APEH: variants seen among roughly 807,000 people sequenced by gnomAD.
APEH encodes the protein acylaminoacyl-peptide hydrolase.
APEH carries 75 observed loss-of-function variants against 102.7 expected under a neutral mutation model. The observed-to-expected ratio is 0.73, with a 90% CI of 0.61 to 0.89. The LOEUF (loss-of-function observed/expected upper bound fraction) is 0.89. Ranked by LOEUF, APEH falls within the 40% of genes least tolerant of loss-of-function variation. The pLI, the probability that APEH is intolerant of heterozygous loss-of-function variation, is 0.00. For missense variants in APEH, 863 were observed against 941.2 expected (o/e 0.92, Z 1.09); for synonymous variants, 344 against 362.7 (o/e 0.95, Z 0.59).
At chr3:49,682,082 A>G (rs2053350944) in intron 17 of APEH, 115 bp downstream of exon 17, 1 of 1,212,930 alleles carries the variant, frequency 8.2e-7, no homozygotes, top group Admixed American at 1.8e-5. Context: ...TCTCTAGCCT[A>G]GACCTAGTAA....
upstream of APEH, chr3:49,674,293 C>T: frequency 1.4e-5 from 20 of 1,387,814 alleles, no homozygotes; most frequent in Non-Finnish European, 1.9e-5. Context: ...TCACAGATTG[C>T]CGCAGGGCAG....
In APEH at chr3:49,676,764, C is replaced by G; in HGVS notation, c.837-13C>G. Reference sequence around the variant, plus strand: ...GCTGGCCTTGAGACTGAGTGTCTGTCTCGTGGTTCCAGGTCAGCCCTGTAT... The same window carrying G: ...GCTGGCCTTGAGACTGAGTGTCTGTGTCGTGGTTCCAGGTCAGCCCTGTAT... On this transcript the variant is annotated splice_polypyrimidine_tract_variant and intron_variant, in intron 8 of 21. Coordinates refer to ENST00000296456, the MANE Select transcript of APEH (RefSeq NM_001640.4). The G allele has an allele frequency of 6.2e-7, 1 of 1,614,258 alleles. No homozygotes were observed. The highest frequency in any genetic ancestry group is 2.2e-5 in the East Asian group (1 of 44,880).
chr3:49,675,834 G>T (rs748390335), intron 4 of APEH, 47 bp downstream of exon 4: 1 of 1,612,430 alleles, frequency 6.2e-7, no homozygotes, highest in Non-Finnish European at 8.5e-7. Context: ...GAGAGGCTCT[G>T]CCCCACAGAT....
At position 49,679,126 on chromosome 3, in the gene APEH, G is replaced by A. The variant is rs1170239208; in HGVS notation, c.1158+177G>A. Among the ~76,000 whole-genome samples, 1 of 152,168 alleles carries A rather than the reference G, an allele frequency of 6.6e-6. No homozygotes were observed. The highest frequency in any genetic ancestry group is 2.4e-5 in the African/African-American group (1 of 41,434). On this transcript the variant is annotated intron_variant, in intron 12 of 21. Transcript: ENST00000296456. This position sits in a 1 kb window ranked among gnomAD's most constrained non-coding sequence, Gnocchi z 4.3. ...CCTGGAGGGGACTGGCTGCCCTGGTGCACCACAGCAGAACTCAGGCCTTTT... is the reference window on the plus strand; with the variant it reads ...CCTGGAGGGGACTGGCTGCCCTGGTACACCACAGCAGAACTCAGGCCTTTT...
chr3:49,682,384 G>A lies in APEH; in HGVS notation c.1640G>A (p.Ser547Asn). 1 of 1,614,030 alleles carries A rather than the reference G, an allele frequency of 6.2e-7. No homozygotes were observed. The highest frequency in any genetic ancestry group is 8.5e-7 in the Non-Finnish European group (1 of 1,179,942). Residue 547 changes from serine (S) to asparagine (N), a missense_variant, in exon 18 of 22, where the codon AGC (serine) becomes AAC (asparagine). Ser to Asn is a conservative substitution (Grantham distance 46). Coordinates refer to ENST00000296456, the MANE Select transcript of APEH (RefSeq NM_001640.4). Reference sequence around the variant, plus strand: ...GGCTCCACGGGCTTTGGCCAGGACAGCATCCTCTCCCTCCCAGGCAATGTG... The same window carrying A: ...GGCTCCACGGGCTTTGGCCAGGACAACATCCTCTCCCTCCCAGGCAATGTG... ...YRGSTGFGQD[S>N]ILSLPGNVGH...
chr3:49,674,267 C>A, upstream of APEH: 1 of 1,204,024 alleles, frequency 8.3e-7, no homozygotes, highest in Non-Finnish European at 1.1e-6. Context: ...CACCCATTAG[C>A]CGAAGGCCCC....
chr3:49,681,577 C>T (rs1575478843), intron 15 of APEH, 145 bp from the exon 16 acceptor site: 1 of 734,984 alleles, frequency 1.4e-6, no homozygotes, highest in East Asian at 2.8e-5. Flanking sequence ...GAAGTATGAG[C>T]CTTCTGGGGT....
At position 49,682,449 on chromosome 3, in the gene APEH, G is replaced by C; in HGVS notation, c.1692+13G>C. 6.2e-7 allele frequency: 1 copy of C among 1,613,214 alleles called. No homozygotes were observed. The highest frequency in any genetic ancestry group is 1.1e-5 in the South Asian group (1 of 91,066). ...GAAGGATGTCCAGGTAGCAGGGGCT[G>C]GGGCTTCTGGACAGGCTGAAACATG... On this transcript the variant is annotated intron_variant, in intron 18 of 21. Coordinates refer to ENST00000296456, the MANE Select transcript of APEH (RefSeq NM_001640.4).
At chr3:49,674,849 G>C (rs1003359683) in intron 2 of APEH, among the ~76,000 whole-genome samples, 24 of 152,192 alleles carry the variant, frequency 1.6e-4, no homozygotes, top group African/African-American at 5.8e-4. Flanking sequence ...TGACGGCGTA[G>C]GGGTAGAAGT....
At position 49,681,945 on chromosome 3, in the gene APEH, G is replaced by A; in HGVS notation, c.1581G>A (p.Lys527=). The A allele has an allele frequency of 6.2e-7, 1 of 1,614,192 alleles. No homozygotes were observed. Among genetic ancestry groups the A allele is most frequent in the South Asian group, 1.1e-5 (1 of 91,086 alleles). The change falls in exon 17 of 22, where the codon AAG becomes AAA. Residue 527 remains lysine (K), a synonymous_variant. Transcript: ENST00000296456. The stretch of plus-strand genomic sequence containing the variant: ...TGCTGTTCCCAGCCATGCTTTGCAA[G>A]ATGGGCTTTGCGGTACTACTAGGTG... ...AWMLFPAMLC[K]MGFAVLLVNY...
rs2053244565 is a variant in APEH, at chr3:49,679,976, C to T, written c.1210+332C>T. On this transcript the variant is annotated intron_variant, in intron 13 of 21. Transcript: ENST00000296456. The surrounding 1 kb of genome is among the most constrained non-coding windows in gnomAD (Gnocchi z 4.3). ...AGATCTGCCAGACTCATCCTTCTCGCTCTGCAAACCTTGGGTGCCTGTCTC... is the reference window on the plus strand; with the variant it reads ...AGATCTGCCAGACTCATCCTTCTCGTTCTGCAAACCTTGGGTGCCTGTCTC... 3.7e-6 allele frequency: 1 copy of T among 271,114 alleles called. No homozygotes were observed. 16.8% of individuals were successfully genotyped at this position (271,114 alleles called of 1,614,324 possible).
In APEH at chr3:49,674,753, C is replaced by A. The variant is rs1211666407; in HGVS notation, c.145+132C>A. 4 of 1,253,340 alleles carry A rather than the reference C, an allele frequency of 3.2e-6. No individual in the cohort carries two copies. In the African/African-American group the frequency reaches 5.9e-5, roughly 19 times the overall value. The allele number at this position is 1,253,340 out of a possible 1,614,324, so 77.6% of individuals were successfully genotyped here. ...AGCCGGCCTGGACTTGGAGGTTACA[C>A]TCCCACAGGTCCCTGCACACAGGTG... On this transcript the variant is annotated intron_variant, in intron 2 of 21. Coordinates refer to ENST00000296456, the MANE Select transcript of APEH (RefSeq NM_001640.4).
intron 11 of APEH, 75 bp downstream of exon 11, chr3:49,677,708 C>A (rs1490002947): frequency 7.1e-7 from 1 of 1,408,834 alleles, no homozygotes; most frequent in African/African-American, 1.4e-5. Flanking sequence ...CATCCCTGCC[C>A]CGTTCTTCTT....
At chr3:49,682,500 A>G in intron 18 of APEH, 46 bp from the exon 19 acceptor site, 1 of 1,613,160 alleles carries the variant, frequency 6.2e-7, no homozygotes, top group South Asian at 1.1e-5. Context: ...GCCTCCATTC[A>G]GCTGAGCGGG....
chr3:49,677,059 A>G, intron 10 of APEH, 35 bp downstream of exon 10: 5 of 1,613,392 alleles, frequency 3.1e-6, no homozygotes, highest in Non-Finnish European at 4.2e-6. Flanking sequence ...GAGGGTGGTC[A>G]GCAAGAAGAT....
upstream of APEH, among the ~76,000 whole-genome samples, chr3:49,673,260 A>G (rs2052857778): frequency 6.6e-6 from 1 of 151,872 alleles, no homozygotes; most frequent in Non-Finnish European, 1.5e-5. Context: ...AGACTCAGGT[A>G]TATGGAGGGA....
At chr3:49,675,126 GGGCAGTAGCCA>G in intron 2 of APEH, 46 bp from the exon 3 acceptor site, 1 of 1,610,232 alleles carries the variant, frequency 6.2e-7, no homozygotes, top group South Asian at 1.1e-5. Flanking sequence ...GTGGGGCTGG[GGGCAGTAGCCA>G]GGAGTAGCCA....
chr3:49,680,931 G>A (rs2053290735), intron 14 of APEH, among the ~76,000 whole-genome samples, 170 bp from the exon 15 acceptor site: 1 of 152,216 alleles, frequency 6.6e-6, no homozygotes, highest in Non-Finnish European at 1.5e-5. Flanking sequence ...GTGATTGTAT[G>A]AGTATGAATA....
intron 17 of APEH, 61 bp downstream of exon 17, chr3:49,682,028 G>A: frequency 6.5e-7 from 1 of 1,542,726 alleles, no homozygotes; most frequent in Non-Finnish European, 9.0e-7. Context: ...GGGTGGACCT[G>A]GTTTGTATAA....
Sources: gnomAD v4.1 joint callset for allele counts (sites outside exome capture counted in the v4.1 genomes callset) on GRCh38, gnomAD v4.1.1 for gene constraint, Gnocchi (gnomAD v3.1) non-coding constraint, MANE v1.5 for transcripts, NCBI Gene and HGNC (gene_info 2026-07-23, HGNC 2026-07-21) for gene names.